Variants in BEST3 observed in about 807,000 individuals in gnomAD.
BEST3 encodes the protein bestrophin 3, also known as bestrophin-3.
BEST3 carries 50 observed loss-of-function variants against 47.1 expected under a neutral mutation model. The observed-to-expected ratio is 1.06, with a 90% CI of 0.85 to 1.34. The LOEUF is 1.34. Among genes scored for constraint, BEST3 ranks in the 40% most tolerant of loss-of-function variants. The pLI is 0.00. For missense variants in BEST3, 765 were observed against 817.0 expected, an observed-to-expected ratio of 0.94 and a Z score of 0.78; for synonymous variants, 282 against 298.8, an observed-to-expected ratio of 0.94 and a Z score of 0.58.
intron 4 of BEST3, among the ~76,000 whole-genome samples, chr12:69,680,315 T>TTTTTTTTTTTTTTTTTTC (rs1885176606): frequency 7.6e-6 from 1 of 130,740 alleles, no homozygotes; most frequent in Admixed American, 7.3e-5. Context: ...TTGATCTTTT[T>TTTTTTTTTTTTTTTTTTC]TTTTTTTTTT....
At chr12:69,694,498 A>G (rs1886062670) in intron 2 of BEST3, 34 bp from the exon 3 acceptor site, 1 of 1,188,698 alleles carries the variant, frequency 8.4e-7, no homozygotes, top group Admixed American at 2.1e-5. Flanking sequence ...GCCCTTTATG[A>G]TATTATACTT....
rs1250550070 is a variant in BEST3, at chr12:69,678,761, A to G, written c.614T>C (p.Val205Ala). The G allele has an allele frequency of 5.6e-6, 9 of 1,614,038 alleles. No individual in the cohort carries two copies. The highest frequency in any genetic ancestry group is 2.2e-5 in the South Asian group (2 of 91,078). The change falls in exon 5 of 10, where the codon GTT (valine) becomes GCT (alanine). Residue 205 changes from valine (V) to alanine (A), a missense_variant. Coordinates refer to ENST00000330891, the MANE Select transcript of BEST3 (RefSeq NM_032735.3). ...TACAGTCATCAATGATTGCAGATCA[A>G]CACTGTCTCTGATTCTACCTTCATT... Reference protein sequence around the residue: ...ARNEGRIRDSVDLQSLMTEMN... With the variant: ...ARNEGRIRDSADLQSLMTEMN...
intron 9 of BEST3, among the ~76,000 whole-genome samples, chr12:69,645,559 T>G (rs1883005729): frequency 6.6e-6 from 1 of 152,254 alleles, no homozygotes. Flanking sequence ...CATAACTTTC[T>G]ATCCTAACCT....
At chr12:69,691,521 A>G (rs1446404476) in intron 4 of BEST3, among the ~76,000 whole-genome samples, 1 of 152,148 alleles carries the variant, frequency 6.6e-6, no homozygotes, top group Admixed American at 6.5e-5. Flanking sequence ...GAGGCCAGGC[A>G]TGGTGGTTCA....
intron 9 of BEST3, among the ~76,000 whole-genome samples, chr12:69,645,630 T>C (rs1276122650): frequency 6.6e-6 from 1 of 152,230 alleles, no homozygotes; most frequent in Admixed American, 6.5e-5. Flanking sequence ...AGGGGACCTG[T>C]GTTCAAATCC....
chr12:69,671,348 T>A, intron 9 of BEST3, 80 bp downstream of exon 9: 1 of 149,324 alleles, frequency 6.7e-6, no homozygotes, highest in East Asian at 1.5e-4. Flanking sequence ...TTTTATTTCT[T>A]TTTTTTTTTT....
chr12:69,655,099 G>T lies in BEST3; in HGVS notation c.1815C>A (p.Asn605Lys), dbSNP rs898678774. 5.6e-6 allele frequency: 9 copies of T among 1,614,046 alleles called. No individual in the cohort carries two copies. Among genetic ancestry groups the T allele is most frequent in the Non-Finnish European group, 7.6e-6 (9 of 1,180,050 alleles). ...FLGSSHTSLG[N>K]LSPDPMSSQP... The stretch of plus-strand genomic sequence containing the variant: ...GAGAGCTCATGGGGTCTGGACTTAG[G>T]TTTCCCAGGGAAGTGTGGCTGGACC... The change falls in exon 10 of 10, where the codon AAC (asparagine) becomes AAA (lysine). Residue 605 changes from asparagine (N) to lysine (K), a missense_variant. By Grantham distance (94) the Asn-to-Lys change is moderately conservative. Transcript: ENST00000330891.
At chr12:69,686,193 A>AAAAC (rs1885572906) in intron 4 of BEST3, among the ~76,000 whole-genome samples, 1 of 151,826 alleles carries the variant, frequency 6.6e-6, no homozygotes, top group Admixed American at 6.6e-5. Flanking sequence ...AGGAAAAAAA[A>AAAAC]AAAAACAAAC....
chr12:69,674,595 G>A (rs1236021016), intron 7 of BEST3, among the ~76,000 whole-genome samples: 2 of 152,162 alleles, frequency 1.3e-5, no homozygotes, highest in Non-Finnish European at 2.9e-5. Flanking sequence ...GGTACTGGTT[G>A]AGTCCTGAAA....
intron 9 of BEST3, chr12:69,661,203 C>G (rs1883853075): frequency 6.6e-6 from 1 of 152,180 alleles, no homozygotes; most frequent in Admixed American, 6.5e-5. Flanking sequence ...AAGCAACCCC[C>G]TTCTCACGAG....
In BEST3 at chr12:69,671,543, A is replaced by G. The variant is rs776286147; in HGVS notation, c.985T>C (p.Leu329=). The G allele has an allele frequency of 1.2e-6, 2 of 1,613,822 alleles. No homozygotes were observed. Among genetic ancestry groups the G allele is most frequent in the African/African-American group, 2.7e-5 (2 of 74,894 alleles). ...LLAVDEMHMS[L]PKMKKDIYWD... is the part of the protein sequence containing the mutation. ...TAAATGTCCTTCTTCATCTTGGGTA[A>G]GCTCATGTGCATTTCGTCCACAGCT... The change falls in exon 9 of 10, where the codon TTA becomes CTA. Residue 329 remains leucine (L), a synonymous_variant. Transcript: ENST00000330891.
At chr12:69,665,760 C>T (rs1030346819) in intron 9 of BEST3, among the ~76,000 whole-genome samples, 24 of 152,042 alleles carry the variant, frequency 1.6e-4, no homozygotes, top group African/African-American at 5.8e-4. Flanking sequence ...GTCTATTTAC[C>T]CCATCAATTC....
intron 2 of BEST3, 33 bp from the exon 3 acceptor site, chr12:69,694,497 G>A: frequency 7.4e-6 from 9 of 1,212,056 alleles, no homozygotes; most frequent in Non-Finnish European, 1.1e-5. Flanking sequence ...AGCCCTTTAT[G>A]ATATTATACT....
At chr12:69,644,177 C>T (rs1008284025) in intron 9 of BEST3, among the ~76,000 whole-genome samples, 1 of 152,162 alleles carries the variant, frequency 6.6e-6, no homozygotes, top group African/African-American at 2.4e-5. Context: ...AGGGAAGTCA[C>T]ATATTTGCCT....
intron 5 of BEST3, 30 bp downstream of exon 5, chr12:69,678,709 T>C (rs758165316): frequency 1.2e-6 from 2 of 1,607,190 alleles, no homozygotes; most frequent in Non-Finnish European, 1.7e-6. Flanking sequence ...CTAATTAGCG[T>C]ATTTTTCTTA....
In BEST3 at chr12:69,686,779, C is replaced by CAA. The variant is rs71094728; in HGVS notation, c.481+6893_481+6894dup. Among the ~76,000 whole-genome samples, 6 of 99,392 alleles carry CAA rather than the reference C, an allele frequency of 6.0e-5. 1 individual carries two copies. The East Asian group carries it at 1.4e-3, about 22-fold the overall frequency. The allele number at this position is 99,392 out of a possible 152,430, so 65.2% of individuals were successfully genotyped here. On this transcript the variant is annotated intron_variant, in intron 4 of 9. Transcript: ENST00000330891. Reference sequence around the variant, plus strand: ...AGAGCAAGATTCTGCCTCAAAAAAACAAAAAAAAAAGAAAGAAAAGAAAAA... The same window carrying CAA: ...AGAGCAAGATTCTGCCTCAAAAAAACAAAAAAAAAAAAGAAAGAAAAGAAAAA...
intron 9 of BEST3, among the ~76,000 whole-genome samples, chr12:69,645,670 T>C (rs1389146694): frequency 2.6e-5 from 4 of 152,228 alleles, no homozygotes; most frequent in South Asian, 4.1e-4. Context: ...TTGTGTAACC[T>C]GTAGCAAGTT....
At chr12:69,685,344 G>A (rs566226088) in intron 4 of BEST3, among the ~76,000 whole-genome samples, 42 of 152,136 alleles carry the variant, frequency 2.8e-4, no homozygotes, top group Non-Finnish European at 4.9e-4. Flanking sequence ...ATCCTCATCT[G>A]CACAGTGGCC....
At chr12:69,688,426 T>C (rs1885761122) in intron 4 of BEST3, among the ~76,000 whole-genome samples, 1 of 152,262 alleles carries the variant, frequency 6.6e-6, no homozygotes, top group South Asian at 2.1e-4. Context: ...GTATTTTTAT[T>C]TTCATATAAG....
Sources: allele counts gnomAD v4.1 joint callset (sites outside exome capture counted in the v4.1 genomes callset), GRCh38; gene constraint gnomAD v4.1.1; transcripts MANE v1.5; gene names NCBI Gene and HGNC (gene_info 2026-07-23, HGNC 2026-07-21).